The following RTTN variants were observed in gnomAD, a reference collection of about 807,000 sequenced individuals.
The protein encoded by RTTN is rotatin.
A neutral mutation model predicts 269.2 loss-of-function variants in RTTN; 182 were observed. The observed-to-expected ratio is 0.68, with a 90% CI of 0.60 to 0.76. RTTN has a LOEUF of 0.76. RTTN is among the 30% of genes least tolerant of loss of function. RTTN has a pLI of 0.00. For synonymous variants in RTTN, 1,006 were observed against 963.5 expected (o/e 1.04, Z -0.82); for missense variants, 2,545 against 2,608.6 (o/e 0.98, Z 0.53).
intron 34 of RTTN, among the ~76,000 whole-genome samples, chr18:70,073,479 C>T (rs777075098): frequency 6.6e-6 from 1 of 152,128 alleles, no homozygotes. Context: ...GGGTAATCAA[C>T]CATTTTTAAC....
rs780410235 is a variant in RTTN, at chr18:70,109,506, G to A, written c.3895C>T (p.Leu1299Phe). ...LDICVKYLSG[L>F]LEVITSFYVE... ...ATGCTATTTTTACTTACCTCAAGGAGACCTGACAAGTACTTCACACAGATA... is the reference window on the plus strand; with the variant it reads ...ATGCTATTTTTACTTACCTCAAGGAAACCTGACAAGTACTTCACACAGATA... Residue 1299 changes from leucine to phenylalanine, a missense_variant, in exon 28 of 49, where the codon CTC (leucine) becomes TTC (phenylalanine). By Grantham distance (22) the Leu-to-Phe change is conservative. Coordinates refer to ENST00000640769, the MANE Select transcript of RTTN (RefSeq NM_173630.4). 24 of 1,613,368 alleles carry A rather than the reference G, an allele frequency of 1.5e-5. 1 individual carries two copies. Among genetic ancestry groups the A allele is most frequent in the Non-Finnish European group, 1.8e-5 (21 of 1,179,596 alleles).
At chr18:70,102,527 C>G (rs1253224629) in intron 28 of RTTN, among the ~76,000 whole-genome samples, 1 of 152,148 alleles carries the variant, frequency 6.6e-6, no homozygotes, top group Admixed American at 6.5e-5. Flanking sequence ...CTTTATCCAA[C>G]TTCCCAGTCT....
intron 21 of RTTN, among the ~76,000 whole-genome samples, chr18:70,137,622 A>G (rs2060155479): frequency 6.6e-6 from 1 of 151,900 alleles, no homozygotes; most frequent in Non-Finnish European, 1.5e-5. Context: ...CATCTCAAAC[A>G]CATCAATTTC....
Position 70,109,564 on chromosome 18 carries a change from C to G in RTTN, c.3837G>C (p.Trp1279Cys). Reference protein sequence around the residue: ...GMANLTAFPGWSSHSPLTKPL... With the variant: ...GMANLTAFPGCSSHSPLTKPL... ...GCTTTGTGAGAGGAGAGTGTGAGCT[C>G]CATCCCGGAAACGCAGTGAGGTTAG... The change falls in exon 28 of 49, where the codon TGG becomes TGC. Residue 1279 changes from tryptophan to cysteine, a missense_variant. Transcript: ENST00000640769. 2 of 1,613,988 alleles carry G rather than the reference C, an allele frequency of 1.2e-6. No individual in the cohort carries two copies. Among genetic ancestry groups the G allele is most frequent in the Non-Finnish European group, 1.7e-6 (2 of 1,180,000 alleles).
At chr18:70,172,516 T>G (rs2061169084) in intron 11 of RTTN, among the ~76,000 whole-genome samples, 1 of 152,182 alleles carries the variant, frequency 6.6e-6, no homozygotes, top group African/African-American at 2.4e-5. Flanking sequence ...TTTAAAGTAC[T>G]TAGTCAATTA....
At chr18:70,025,426 G>T (rs925114044) in intron 43 of RTTN, among the ~76,000 whole-genome samples, 4 of 152,136 alleles carry the variant, frequency 2.6e-5, no homozygotes, top group African/African-American at 9.7e-5. Flanking sequence ...ATAAAATATA[G>T]CTGTTTAAGT....
At position 70,012,774 on chromosome 18, in the gene RTTN, T is replaced by C. The variant is rs190409525; in HGVS notation, c.6421+4633A>G. On this transcript the variant is annotated intron_variant, in intron 46 of 48. Transcript: ENST00000640769. ...CTGGTATTAGTTACAGGGCAACGTC[T>C]GCTCACTGGTATTAGTTAGATGGCA... 4.0e-3 allele frequency among the ~76,000 whole-genome samples: 608 copies of C among 152,326 alleles called. 7 individuals are homozygous for C. The highest frequency in any genetic ancestry group is 0.014 in the African/African-American group (570 of 41,564).
intron 14 of RTTN, among the ~76,000 whole-genome samples, chr18:70,159,556 G>T (rs936465117): frequency 1.3e-5 from 2 of 152,022 alleles, no homozygotes; most frequent in African/African-American, 4.8e-5. Context: ...AAACCAACCT[G>T]AAAGCTAGCA....
At chr18:70,006,566 C>A (rs891098996) in intron 46 of RTTN, 82 bp from the exon 47 acceptor site, 1 of 1,034,118 alleles carries the variant, frequency 9.7e-7, no homozygotes, top group Admixed American at 1.9e-5. Flanking sequence ...AGACACCCCC[C>A]TCTTTTCCCA....
rs2061723366 is a variant in RTTN at position 70,193,242 on chromosome 18, G to A, written c.1007+46C>T. 6 of 1,420,426 alleles carry A rather than the reference G, an allele frequency of 4.2e-6. No individual in the cohort carries two copies. In the East Asian group the frequency reaches 1.3e-4, roughly 30 times the overall value. The allele number at this position is 1,420,426 out of a possible 1,614,324, so 88.0% of individuals were successfully genotyped here. A position where few individuals can be genotyped will look rare whatever the true frequency, so the allele number is the denominator to read the frequency against. ...CCTTCTGAAATTAACACACACACAA[G>A]TTAACCGGCATTTCTCATTTCCCCA... On this transcript the variant is annotated intron_variant, in intron 8 of 48. Coordinates refer to ENST00000640769, the MANE Select transcript of RTTN (RefSeq NM_173630.4).
chr18:70,092,243 G>T (rs1250433580), intron 29 of RTTN, 23 bp from the exon 30 acceptor site: 3 of 1,402,690 alleles, frequency 2.1e-6, no homozygotes, highest in East Asian at 2.3e-5. Context: ...AAGGGAAACA[G>T]AAATATTTGA....
At chr18:70,188,054 C>G in intron 10 of RTTN, 54 bp downstream of exon 10, 1 of 1,123,758 alleles carries the variant, frequency 8.9e-7, no homozygotes, top group Non-Finnish European at 1.3e-6. Context: ...TTAAAAGAAC[C>G]AAAATCTTAA....
chr18:70,112,731 C>T (rs1243532939), intron 27 of RTTN, among the ~76,000 whole-genome samples: 4 of 152,080 alleles, frequency 2.6e-5, no homozygotes, highest in Admixed American at 1.3e-4. Context: ...GATTTTAACA[C>T]CCCACTACCA....
In RTTN at chr18:70,196,985, C is replaced by G. The variant is rs1052946967; in HGVS notation, c.694-337G>C. ...GAACATTTTAAAAATCACAGCAAGC[C>G]CTTTTCATCTCAAGCATCTAAACCA... On this transcript the variant is annotated intron_variant, in intron 6 of 48. Coordinates refer to ENST00000640769, the MANE Select transcript of RTTN (RefSeq NM_173630.4). Among the ~76,000 whole-genome samples, 8 of 152,282 alleles carry G rather than the reference C, an allele frequency of 5.3e-5. No homozygotes were observed. The East Asian group carries it at 1.5e-3, about 29-fold the overall frequency.
At position 70,155,913 on chromosome 18, in the gene RTTN, C is replaced by T. The variant is rs550724170; in HGVS notation, c.1930-5180G>A. On this transcript the variant is annotated intron_variant, in intron 14 of 48. Coordinates refer to ENST00000640769, the MANE Select transcript of RTTN (RefSeq NM_173630.4). ...ACACTTATCACTTCCCCAATAAATACGCTTGTGATTTCCTATGCCTGTCTT... is the reference window on the plus strand; with the variant it reads ...ACACTTATCACTTCCCCAATAAATATGCTTGTGATTTCCTATGCCTGTCTT... Among the ~76,000 whole-genome samples the T allele has an allele frequency of 2.8e-4, 43 of 152,240 alleles. 1 individual carries two copies. Among genetic ancestry groups the T allele is most frequent in the South Asian group, 2.7e-3 (13 of 4,826 alleles).
At chr18:70,120,968 T>C (rs531180398) in intron 26 of RTTN, among the ~76,000 whole-genome samples, 2 of 152,038 alleles carry the variant, frequency 1.3e-5, no homozygotes, top group South Asian at 2.1e-4. Context: ...GGAGAATCAT[T>C]TGAACCCAGG....
At position 70,205,328 on chromosome 18, in the gene RTTN, G is replaced by C. The variant is rs550130775; in HGVS notation, c.32-13C>G. ...GCCAGCTGATGACCTGTCAACGAAC[G>C]GCACAAAACTATTTTATTTCCCGAC... is the stretch of plus-strand genomic sequence containing the variant. On this transcript the variant is annotated splice_polypyrimidine_tract_variant and intron_variant, in intron 1 of 48. Coordinates refer to ENST00000640769, the MANE Select transcript of RTTN (RefSeq NM_173630.4). 4 of 1,612,924 alleles carry C rather than the reference G, an allele frequency of 2.5e-6. No homozygotes were observed. The East Asian group carries it at 6.7e-5, about 27-fold the overall frequency.
In RTTN at chr18:70,020,709, T is replaced by C. The variant is rs200829574; in HGVS notation, c.6059A>G (p.Gln2020Arg). The C allele has an allele frequency of 1.5e-5, 24 of 1,613,948 alleles. No individual in the cohort carries two copies. The highest frequency in any genetic ancestry group is 5.1e-6 in the Non-Finnish European group (6 of 1,179,934). Residue 2020 changes from glutamine to arginine, a missense_variant, in exon 45 of 49, where the codon CAG becomes CGG. Coordinates refer to ENST00000640769, the MANE Select transcript of RTTN (RefSeq NM_173630.4). ...AACCGTGGTGTTCTCCAGTGGCATC[T>C]GGGAAGCCAACTTTAGGATACACAG... ...LMLCILKLAS[Q>R]MPLENTTVQQ...
intron 28 of RTTN, among the ~76,000 whole-genome samples, chr18:70,106,813 T>C (rs1055160920): frequency 2.0e-5 from 3 of 152,190 alleles, no homozygotes; most frequent in Admixed American, 1.3e-4. Context: ...CAGGAGGTTA[T>C]AGATACAATT....
Sources: allele counts gnomAD v4.1 joint callset (sites outside exome capture counted in the v4.1 genomes callset), GRCh38; gene constraint gnomAD v4.1.1; transcripts MANE v1.5; gene names NCBI Gene and HGNC (gene_info 2026-07-23, HGNC 2026-07-21).